NCOA3: variants seen among roughly 807,000 people sequenced by gnomAD.
The protein encoded by NCOA3 is CBP-interacting protein.
Under a neutral mutation model 158.8 loss-of-function variants are expected in NCOA3, and 51 were observed. That is an observed-to-expected ratio of 0.32 (90% CI 0.26 to 0.41). The LOEUF is 0.41. Ranked by LOEUF, NCOA3 falls within the 10% of genes least tolerant of loss-of-function variation. The pLI, the probability that NCOA3 is intolerant of heterozygous loss-of-function variation, is 1.00. For synonymous variants in NCOA3, 537 were observed against 592.4 expected (o/e 0.91, Z 1.36); for missense variants, 1,510 against 1,746.6 (o/e 0.86, Z 2.41).
Position 47,530,339 on chromosome 20 carries a change from G to A in NCOA3, c.-99+28320G>A, listed in dbSNP as rs186688935. Reference sequence around the variant, plus strand: ...TTTACAGGGTTTTATACATACAGAAGAATGATGAGAAAATTAAAGTTTTAA... The same window carrying A: ...TTTACAGGGTTTTATACATACAGAAAAATGATGAGAAAATTAAAGTTTTAA... On this transcript the variant is annotated intron_variant, in intron 1 of 22. Coordinates refer to ENST00000371998, the MANE Select transcript of NCOA3 (RefSeq NM_181659.3). Among the ~76,000 whole-genome samples, 5 of 152,056 alleles carry A rather than the reference G, an allele frequency of 3.3e-5. No individual in the cohort carries two copies. In the East Asian group the frequency reaches 9.7e-4, roughly 29 times the overall value.
chr20:47,536,087 A>G (rs187298908), intron 1 of NCOA3, among the ~76,000 whole-genome samples: 54 of 152,234 alleles, frequency 3.5e-4, no homozygotes, highest in African/African-American at 1.2e-3. Flanking sequence ...TGAGCACAAG[A>G]TAGGGGGGCA....
intron 8 of NCOA3, among the ~76,000 whole-genome samples, 189 bp from the exon 9 acceptor site, chr20:47,633,307 G>A (rs899440133): frequency 6.6e-6 from 1 of 152,226 alleles, no homozygotes; most frequent in Non-Finnish European, 1.5e-5. Flanking sequence ...AGCAGAACAT[G>A]TAGGGAGAAT....
At chr20:47,540,455 C>G (rs947387794) in intron 1 of NCOA3, among the ~76,000 whole-genome samples, 2 of 151,610 alleles carry the variant, frequency 1.3e-5, no homozygotes, top group Admixed American at 6.6e-5. Context: ...TGCCTGTAAT[C>G]CGGCTACTTG....
intron 1 of NCOA3, among the ~76,000 whole-genome samples, chr20:47,540,787 G>C (rs1056138771): frequency 2.6e-5 from 4 of 152,164 alleles, no homozygotes; most frequent in Admixed American, 2.6e-4. Context: ...AGGCAGTGAA[G>C]GATTAATTGC....
intron 1 of NCOA3, among the ~76,000 whole-genome samples, chr20:47,575,062 CT>C (rs2085351554): frequency 6.6e-6 from 1 of 152,178 alleles, no homozygotes; most frequent in South Asian, 2.1e-4. Flanking sequence ...GGAATCCTAT[CT>C]GAGGGTTAAT....
chr20:47,646,917 A>G lies in NCOA3; in HGVS notation c.3253-156A>G, dbSNP rs573067849. On this transcript the variant is annotated intron_variant, in intron 17 of 22. Transcript: ENST00000371998. ...ACCTGTGGGATGTTATTTTGAATGT[A>G]TCCTTAGCATGTAGAGAAGTGATGC... 2.0e-5 allele frequency among the ~76,000 whole-genome samples: 3 copies of G among 152,326 alleles called. No individual in the cohort carries two copies. The South Asian group carries it at 6.2e-4, about 32-fold the overall frequency.
chr20:47,542,227 A>G, intron 1 of NCOA3, among the ~76,000 whole-genome samples: 1 of 150,400 alleles, frequency 6.6e-6, no homozygotes. Flanking sequence ...TTGGTGGAAA[A>G]GGGGCTCTTG....
rs1353100894 is a variant in NCOA3, at chr20:47,636,696, C to T, written c.2310C>T (p.Thr770=). 1 of 1,613,934 alleles carries T rather than the reference C, an allele frequency of 6.2e-7. No homozygotes were observed. Among genetic ancestry groups the T allele is most frequent in the African/African-American group, 1.3e-5 (1 of 74,890 alleles). The change falls in exon 12 of 23, where the codon ACC becomes ACT. Residue 770 remains threonine (T), a synonymous_variant. Coordinates refer to ENST00000371998, the MANE Select transcript of NCOA3 (RefSeq NM_181659.3). ...TGGATAATAAAATGAGTCAGTGCAC[C>T]AGCTCCACCATTCCTAGCTCAAGTC... ...EGVDNKMSQC[T]SSTIPSSSQE...
At chr20:47,619,086 CT>C in intron 2 of NCOA3, among the ~76,000 whole-genome samples, 1 of 152,100 alleles carries the variant, frequency 6.6e-6, no homozygotes, top group Non-Finnish European at 1.5e-5. Context: ...TTGAATGTTG[CT>C]TTTATATTTA....
At chr20:47,565,481 G>A (rs901684024) in intron 1 of NCOA3, among the ~76,000 whole-genome samples, 8 of 152,198 alleles carry the variant, frequency 5.3e-5, no homozygotes, top group African/African-American at 1.9e-4. Flanking sequence ...TTGGGAAACT[G>A]AGGTGGGCAG....
At chr20:47,509,701 A>AGT (rs200212679) in intron 1 of NCOA3, among the ~76,000 whole-genome samples, 1,975 of 152,168 alleles carry the variant, frequency 0.013, 41 homozygotes, top group African/African-American at 0.043. Context: ...TGAGCCTAGG[A>AGT]GTTCAAGACC....
rs761545006 is a variant in NCOA3 at position 47,635,944 on chromosome 20, A to G, written c.1558A>G (p.Ser520Gly). Residue 520 changes from serine to glycine, a missense_variant, in exon 12 of 23, where the codon AGC becomes GGC. This residue lies in a region of NCOA3 where 1,017 missense variants were observed against 1,098.3 expected (regional missense o/e 0.93). Coordinates refer to ENST00000371998, the MANE Select transcript of NCOA3 (RefSeq NM_181659.3). Reference sequence around the variant, plus strand: ...CAATACTGGGAACCACAGCTTTTCCAGCAGCTCTCTCAGTGCCCTGCAAGC... The same window carrying G: ...CAATACTGGGAACCACAGCTTTTCCGGCAGCTCTCTCAGTGCCCTGCAAGC... Reference protein sequence around the residue: ...SGNTGNHSFSSSSLSALQAIS... With the variant: ...SGNTGNHSFSGSSLSALQAIS... 4.3e-6 allele frequency: 7 copies of G among 1,614,084 alleles called. No homozygotes were observed. Among genetic ancestry groups the G allele is most frequent in the African/African-American group, 4.0e-5 (3 of 75,014 alleles).
At chr20:47,502,840 A>G (rs2146033927) in intron 1 of NCOA3, among the ~76,000 whole-genome samples, 1 of 151,768 alleles carries the variant, frequency 6.6e-6, no homozygotes. Flanking sequence ...GTTGCTTCCT[A>G]GGCAGTTTGA....
chr20:47,513,721 CAAAAAAAAA>C (rs140204780), intron 1 of NCOA3, among the ~76,000 whole-genome samples: 2 of 82,692 alleles, frequency 2.4e-5, no homozygotes, highest in East Asian at 3.5e-4. Flanking sequence ...GACTCTGTCT[CAAAAAAAAA>C]AAAAAAAAAA....
At chr20:47,574,119 T>C (rs750613138) in intron 1 of NCOA3, among the ~76,000 whole-genome samples, 3 of 152,032 alleles carry the variant, frequency 2.0e-5, no homozygotes, top group Non-Finnish European at 4.4e-5. Context: ...AGAAAACACT[T>C]TTGAACATAT....
At chr20:47,632,318 T>C (rs910492552) in intron 8 of NCOA3, among the ~76,000 whole-genome samples, 5 of 151,994 alleles carry the variant, frequency 3.3e-5, no homozygotes, top group African/African-American at 9.7e-5. Context: ...TCTGGGCTTA[T>C]AGCCTTCCCA....
At chr20:47,504,150 A>G (rs374148128) in intron 1 of NCOA3, among the ~76,000 whole-genome samples, 2 of 152,206 alleles carry the variant, frequency 1.3e-5, no homozygotes, top group African/African-American at 4.8e-5. Flanking sequence ...GCTTGCCAAC[A>G]CTAACAATTT....
intron 1 of NCOA3, among the ~76,000 whole-genome samples, chr20:47,515,918 A>G (rs1475639968): frequency 1.3e-5 from 2 of 152,246 alleles, no homozygotes; most frequent in Non-Finnish European, 2.9e-5. Context: ...GTTTTCACTT[A>G]GTGAAAGAAG....
At position 47,655,989 on chromosome 20, in the gene NCOA3, G is replaced by A. The variant is rs140978561; in HGVS notation, c.*2572G>A. 6.6e-6 allele frequency: 1 copy of A among 151,956 alleles called. No homozygotes were observed. Among genetic ancestry groups the A allele is most frequent in the East Asian group, 1.9e-4 (1 of 5,170 alleles). 9.4% of individuals were successfully genotyped at this position (151,956 alleles called of 1,614,324 possible). On this transcript the variant is annotated 3_prime_UTR_variant, in exon 23 of 23. Transcript: ENST00000371998. ...CCTGTATTGCCCTTTATCTTTTTTA[G>A]GTAATTCTTTGTACTCCTGCTGTCT... is the stretch of plus-strand genomic sequence containing the variant.
Sources: gnomAD v4.1 joint callset for allele counts (sites outside exome capture counted in the v4.1 genomes callset) on GRCh38, gnomAD v4.1.1 for gene constraint, gnomAD v4.1.1 regional missense constraint, MANE v1.5 for transcripts, NCBI Gene and HGNC (gene_info 2026-07-23, HGNC 2026-07-21) for gene names.